CARMIL1: variants seen among roughly 807,000 people sequenced by gnomAD.
CARMIL1 encodes the protein capping protein regulator and myosin 1 linker 1.
Under a neutral mutation model 177.1 loss-of-function variants are expected in CARMIL1, and 90 were observed. The observed-to-expected ratio is 0.51, with a 90% CI of 0.43 to 0.61. CARMIL1 has a LOEUF of 0.61. CARMIL1 is among the 20% of genes least tolerant of loss of function. CARMIL1 has a pLI of 0.00. For missense variants in CARMIL1, 1,380 were observed against 1,667.0 expected, an observed-to-expected ratio of 0.83 and a Z score of 3.00; for synonymous variants, 577 against 606.2, an observed-to-expected ratio of 0.95 and a Z score of 0.71.
chr6:25,377,496 C>T (rs1040707186), intron 2 of CARMIL1, among the ~76,000 whole-genome samples: 1 of 152,132 alleles, frequency 6.6e-6, no homozygotes, highest in Non-Finnish European at 1.5e-5. Context: ...AGTGGGGCTG[C>T]CACACTCCAG....
intron 2 of CARMIL1, among the ~76,000 whole-genome samples, chr6:25,374,634 A>G (rs1437895806): frequency 1.3e-5 from 2 of 152,168 alleles, no homozygotes; most frequent in Non-Finnish European, 2.9e-5. Flanking sequence ...TGAAGTCTGC[A>G]CTATTATTGT....
intron 2 of CARMIL1, 68 bp from the exon 3 acceptor site, chr6:25,420,046 G>A (rs1258572317): frequency 8.2e-7 from 1 of 1,225,298 alleles, no homozygotes. Flanking sequence ...AAAGTCCCGT[G>A]GAAACACCAA....
At chr6:25,314,543 T>TACAC (rs1784121750) in intron 2 of CARMIL1, among the ~76,000 whole-genome samples, 1 of 151,694 alleles carries the variant, frequency 6.6e-6, no homozygotes, top group Admixed American at 6.6e-5. Context: ...TACGTATACA[T>TACAC]ACACATACAT....
chr6:25,393,382 C>A, intron 2 of CARMIL1: 1 of 151,918 alleles, frequency 6.6e-6, no homozygotes, highest in Non-Finnish European at 1.5e-5. Context: ...CATGGAGAAA[C>A]CCCATCTCTA....
chr6:25,555,672 C>G (rs59690002), intron 28 of CARMIL1, among the ~76,000 whole-genome samples: 1 of 152,112 alleles, frequency 6.6e-6, no homozygotes, highest in Non-Finnish European at 1.5e-5. Flanking sequence ...GCTGGGATTA[C>G]AGGTATAAGC....
intron 3 of CARMIL1, among the ~76,000 whole-genome samples, chr6:25,424,806 C>T (rs140296392): frequency 6.6e-6 from 1 of 152,160 alleles, no homozygotes; most frequent in East Asian, 1.9e-4. Flanking sequence ...TGTCATATTA[C>T]TTTGCAAGTA....
chr6:25,576,532 A>C (rs1298787921), intron 29 of CARMIL1, among the ~76,000 whole-genome samples: 1 of 152,146 alleles, frequency 6.6e-6, no homozygotes, highest in South Asian at 2.1e-4. Context: ...CACTGTCCCC[A>C]CTTAGTTGTT....
intron 3 of CARMIL1, among the ~76,000 whole-genome samples, chr6:25,423,900 C>A (rs900229814): frequency 1.3e-5 from 2 of 152,168 alleles, no homozygotes; most frequent in African/African-American, 4.8e-5. Flanking sequence ...GTCTTCCTGC[C>A]TCTTCCTGCC....
chr6:25,343,017 C>A (rs75784835), intron 2 of CARMIL1, among the ~76,000 whole-genome samples: 1 of 152,090 alleles, frequency 6.6e-6, no homozygotes, highest in Non-Finnish European at 1.5e-5. Flanking sequence ...CCTTCTAAAG[C>A]GCTCCAGCCT....
At chr6:25,312,146 T>A (rs1213434010) in intron 2 of CARMIL1, among the ~76,000 whole-genome samples, 1 of 152,208 alleles carries the variant, frequency 6.6e-6, no homozygotes, top group Admixed American at 6.5e-5. Context: ...AAAAACCTTT[T>A]TGTCCTATCC....
chr6:25,574,847 C>T (rs1010313284), intron 29 of CARMIL1, among the ~76,000 whole-genome samples: 14 of 151,984 alleles, frequency 9.2e-5, no homozygotes, highest in African/African-American at 3.4e-4. Context: ...ATTGTTCTCA[C>T]TTTTTTTGCT....
intron 36 of CARMIL1, among the ~76,000 whole-genome samples, chr6:25,618,260 G>GTTTTT (rs11371576): frequency 6.8e-6 from 1 of 146,746 alleles, no homozygotes. Context: ...AGCAAGATAA[G>GTTTTT]TTTTTTTTTT....
intron 33 of CARMIL1, among the ~76,000 whole-genome samples, chr6:25,604,132 C>T (rs1249104166): frequency 1.3e-5 from 2 of 152,142 alleles, no homozygotes; most frequent in South Asian, 2.1e-4. Context: ...AGTGCATTGG[C>T]ACGCTTTTAT....
chr6:25,480,794 C>T (rs1802047075), intron 11 of CARMIL1, among the ~76,000 whole-genome samples: 1 of 137,558 alleles, frequency 7.3e-6, no homozygotes, highest in African/African-American at 2.7e-5. Flanking sequence ...GATCTCGGCT[C>T]ACTGCAATCT....
intron 2 of CARMIL1, among the ~76,000 whole-genome samples, chr6:25,366,534 C>A (rs1453091307): frequency 6.7e-6 from 1 of 149,386 alleles, no homozygotes; most frequent in Admixed American, 6.7e-5. Context: ...TGTATCTATG[C>A]ATTGTTTTCT....
chr6:25,430,932 A>G (rs1381582126), intron 4 of CARMIL1, among the ~76,000 whole-genome samples: 1 of 152,140 alleles, frequency 6.6e-6, no homozygotes, highest in Admixed American at 6.5e-5. Context: ...GTCATTCCCA[A>G]TATTGGTAAT....
In CARMIL1 at chr6:25,452,914, A is replaced by G. The variant is rs61564699; in HGVS notation, c.614+2203A>G. ...GGTGGTTTCTTAAAGATAAGTTGCA[A>G]TGTAGAATCAGAACCATATCAATGA... On this transcript the variant is annotated intron_variant, in intron 8 of 36. Transcript: ENST00000329474. Among the ~76,000 whole-genome samples the G allele has an allele frequency of 1.2e-3, 186 of 152,340 alleles. 3 individuals carry two copies. The East Asian group carries it at 0.026, about 22-fold the overall frequency.
intron 26 of CARMIL1, among the ~76,000 whole-genome samples, chr6:25,548,097 A>G (rs758248594): frequency 2.6e-5 from 4 of 152,214 alleles, no homozygotes; most frequent in Non-Finnish European, 5.9e-5. Context: ...GAATAGTTAT[A>G]AAGGAAATAG....
chr6:25,476,292 A>G (rs1434078571), intron 11 of CARMIL1, among the ~76,000 whole-genome samples: 1 of 152,174 alleles, frequency 6.6e-6, no homozygotes, highest in Non-Finnish European at 1.5e-5. Context: ...TGCTGTCATC[A>G]TGAATCATTC....
Sources: gnomAD v4.1 joint callset for allele counts (sites outside exome capture counted in the v4.1 genomes callset) on GRCh38, gnomAD v4.1.1 for gene constraint, MANE v1.5 for transcripts, NCBI Gene and HGNC (gene_info 2026-07-23, HGNC 2026-07-21) for gene names.